The following ZDHHC8 variants were observed in gnomAD, a reference collection of about 807,000 sequenced individuals.
ZDHHC8 encodes the protein palmitoyltransferase ZDHHC8.
ZDHHC8 carries 24 observed loss-of-function variants against 61.2 expected under a neutral mutation model. That is an observed-to-expected ratio of 0.39 (90% CI 0.28 to 0.55). The LOEUF is 0.55. Among genes scored for constraint, ZDHHC8 ranks in the 20% least tolerant of loss-of-function variants. The pLI, the probability that ZDHHC8 is intolerant of heterozygous loss-of-function variation, is 0.60. For missense variants in ZDHHC8, 935 were observed against 1,102.1 expected, an observed-to-expected ratio of 0.85 and a Z score of 2.15; for synonymous variants, 523 against 492.5, an observed-to-expected ratio of 1.06 and a Z score of -0.82.
At chr22:20,138,439 G>A (rs2050439779) in intron 1 of ZDHHC8, among the ~76,000 whole-genome samples, 1 of 152,230 alleles carries the variant, frequency 6.6e-6, no homozygotes, top group Non-Finnish European at 1.5e-5. Context: ...GGCCAGGCCC[G>A]TTAAGGGCTG....
rs7286804 is a variant in ZDHHC8 at position 20,147,860 on chromosome 22, C to T, written c.*2460C>T. ...GGTGGCACTCCGGCCAGCCCTTCTC[C>T]GTCACAGGGTCCCTGTCCCTGGGTC... On this transcript the variant is annotated 3_prime_UTR_variant, in exon 11 of 11. Coordinates refer to ENST00000334554, the MANE Select transcript of ZDHHC8 (RefSeq NM_013373.4). 0.12 allele frequency: 18,442 copies of T among 152,400 alleles called. 1,437 individuals are homozygous for T. The highest frequency in any genetic ancestry group is 0.17 in the Non-Finnish European group (11,590 of 68,080). 9.4% of individuals were successfully genotyped at this position (152,400 alleles called of 1,614,324 possible). A position where few individuals can be genotyped will look rare whatever the true frequency, so the allele number is the denominator to read the frequency against.
intron 1 of ZDHHC8, among the ~76,000 whole-genome samples, chr22:20,136,400 T>C (rs1238338186): frequency 6.6e-6 from 1 of 152,210 alleles, no homozygotes; most frequent in Non-Finnish European, 1.5e-5. Context: ...TCATGCATCC[T>C]TGCATGTCCT....
intron 9 of ZDHHC8, 52 bp from the exon 10 acceptor site, chr22:20,142,704 G>T (rs893009963): frequency 1.9e-6 from 3 of 1,606,850 alleles, no homozygotes; most frequent in Middle Eastern, 2.0e-4. Flanking sequence ...CTGACTGGCG[G>T]CTGCAGGCGG....
intron 1 of ZDHHC8, among the ~76,000 whole-genome samples, chr22:20,138,307 C>T (rs1005282126): frequency 1.3e-5 from 2 of 152,194 alleles, no homozygotes; most frequent in Admixed American, 1.3e-4. Flanking sequence ...TCTCAGGGTG[C>T]GCAGGGGAGA....
rs1247187470 is a variant in ZDHHC8, at chr22:20,143,079, C to G, written c.1449C>G (p.Leu483=). The part of the protein sequence containing the change: ...RNGSLSYDSL[L]NPGSPGGHAC... ...GCAGCCTGTCCTATGACAGCCTGCT[C>G]AATCCTGGCTCGCCTGGTGGCCACG... The change falls in exon 10 of 11, where the codon CTC becomes CTG. Residue 483 remains leucine (L), a synonymous_variant. Transcript: ENST00000334554. The G allele has an allele frequency of 6.2e-7, 1 of 1,612,498 alleles. No homozygotes were observed.
At position 20,145,739 on chromosome 22, in the gene ZDHHC8, C is replaced by G; in HGVS notation, c.*339C>G. 9.9e-7 allele frequency: 1 copy of G among 1,010,690 alleles called. No individual in the cohort carries two copies. The highest frequency in any genetic ancestry group is 4.6e-5 in the South Asian group (1 of 21,898). 62.6% of individuals were successfully genotyped at this position (1,010,690 alleles called of 1,614,324 possible). On this transcript the variant is annotated 3_prime_UTR_variant, in exon 11 of 11. Coordinates refer to ENST00000334554, the MANE Select transcript of ZDHHC8 (RefSeq NM_013373.4). Reference sequence around the variant, plus strand: ...TTGGCCCACTGCCATCACCCAGCACCCCAGATCACCGCCAGGCCAGCCCCC... The same window carrying G: ...TTGGCCCACTGCCATCACCCAGCACGCCAGATCACCGCCAGGCCAGCCCCC...
chr22:20,132,360 C>T (rs914183890), intron 1 of ZDHHC8, among the ~76,000 whole-genome samples: 4 of 152,194 alleles, frequency 2.6e-5, no homozygotes, highest in Admixed American at 2.0e-4. Context: ...GCCGGGCTGC[C>T]CTGGGTGTGG....
Position 20,147,450 on chromosome 22 carries a change from G to C in ZDHHC8, c.*2050G>C. ...GCTGCAGGGGGTCCAGCACCCCACA[G>C]GGGGGCAGTCCCAGAGCTGTGGGGA... On this transcript the variant is annotated 3_prime_UTR_variant, in exon 11 of 11. Coordinates refer to ENST00000334554, the MANE Select transcript of ZDHHC8 (RefSeq NM_013373.4). 2 of 471,112 alleles carry C rather than the reference G, an allele frequency of 4.2e-6. No individual in the cohort carries two copies. The highest frequency in any genetic ancestry group is 7.2e-6 in the Non-Finnish European group (2 of 276,080). 29.2% of individuals were successfully genotyped at this position (471,112 alleles called of 1,614,324 possible). A position where few individuals can be genotyped will look rare whatever the true frequency, so the allele number is the denominator to read the frequency against.
At chr22:20,142,096 C>T (rs2050475754) in intron 9 of ZDHHC8, among the ~76,000 whole-genome samples, 1 of 152,162 alleles carries the variant, frequency 6.6e-6, no homozygotes, top group South Asian at 2.1e-4. Context: ...AGAGGCAGGC[C>T]TGTGACTGGG....
At chr22:20,138,251 A>G (rs1602568787) in intron 1 of ZDHHC8, among the ~76,000 whole-genome samples, 1 of 152,350 alleles carries the variant, frequency 6.6e-6, no homozygotes. Context: ...GCAGGGAGGG[A>G]CGCAAACCCC....
chr22:20,145,421 G>A lies in ZDHHC8; in HGVS notation c.*21G>A, dbSNP rs374194639. The A allele has an allele frequency of 1.8e-5, 26 of 1,475,424 alleles. No individual in the cohort carries two copies. Among genetic ancestry groups the A allele is most frequent in the African/African-American group, 1.7e-4 (12 of 69,032 alleles). The allele number at this position is 1,475,424 out of a possible 1,614,324, so 91.4% of individuals were successfully genotyped here. On this transcript the variant is annotated 3_prime_UTR_variant, in exon 11 of 11. Transcript: ENST00000334554. ...TGTGAGGACTGACTGCCACACATCC[G>A]CCATGGTGCCACGGGGACCAGGACC...
intron 4 of ZDHHC8, 45 bp from the exon 5 acceptor site, chr22:20,140,070 G>C: frequency 6.2e-7 from 1 of 1,606,852 alleles, no homozygotes; most frequent in Non-Finnish European, 8.5e-7. Flanking sequence ...TGCTGCGATG[G>C]GGTCTGCGGT....
At chr22:20,141,174 C>T in intron 7 of ZDHHC8, 43 bp from the exon 8 acceptor site, 1 of 1,595,096 alleles carries the variant, frequency 6.3e-7, no homozygotes, top group Non-Finnish European at 8.5e-7. Flanking sequence ...AAGCCCTGCC[C>T]CTCATCCAAG....
intron 9 of ZDHHC8, 141 bp from the exon 10 acceptor site, chr22:20,142,615 A>G: frequency 9.0e-7 from 1 of 1,111,976 alleles, no homozygotes; most frequent in Non-Finnish European, 1.3e-6. Context: ...GGACAGGGCC[A>G]TGGGTCACTA....
At chr22:20,132,701 G>T (rs941471642) in intron 1 of ZDHHC8, among the ~76,000 whole-genome samples, 13 of 152,232 alleles carry the variant, frequency 8.5e-5, no homozygotes, top group Non-Finnish European at 1.6e-4. Context: ...CAGGACCCTT[G>T]AGGTCCTGTT....
chr22:20,147,215 G>A lies in ZDHHC8; in HGVS notation c.*1815G>A. ...TTGGCTGCCTCCAGTCTTTTCCCCA[G>A]CCTCTCGGGGCCCTAGCAGGATGAC... On this transcript the variant is annotated 3_prime_UTR_variant, in exon 11 of 11. Transcript: ENST00000334554. The A allele has an allele frequency of 6.8e-7, 1 of 1,479,110 alleles. No homozygotes were observed. Among genetic ancestry groups the A allele is most frequent in the Non-Finnish European group, 9.0e-7 (1 of 1,112,268 alleles). 91.6% of individuals were successfully genotyped at this position (1,479,110 alleles called of 1,614,324 possible).
chr22:20,147,337 T>G lies in ZDHHC8; in HGVS notation c.*1937T>G. ...GCAGGGCTGGGGGTGGGCTGGGCTC[T>G]CTGCTCCACCAGCCACAGCTTGACA... On this transcript the variant is annotated 3_prime_UTR_variant, in exon 11 of 11. Coordinates refer to ENST00000334554, the MANE Select transcript of ZDHHC8 (RefSeq NM_013373.4). The G allele has an allele frequency of 8.7e-7, 1 of 1,146,000 alleles. No homozygotes were observed. Among genetic ancestry groups the G allele is most frequent in the Non-Finnish European group, 1.2e-6 (1 of 855,464 alleles). 71.0% of individuals were successfully genotyped at this position (1,146,000 alleles called of 1,614,324 possible).
chr22:20,138,105 C>T (rs1286606228), intron 1 of ZDHHC8, among the ~76,000 whole-genome samples: 2 of 152,232 alleles, frequency 1.3e-5, no homozygotes, highest in Admixed American at 6.5e-5. Context: ...GCCAGGCGGG[C>T]GTGGGTGCAG....
At chr22:20,137,904 G>A (rs1337542738) in intron 1 of ZDHHC8, among the ~76,000 whole-genome samples, 1 of 152,238 alleles carries the variant, frequency 6.6e-6, no homozygotes, top group Non-Finnish European at 1.5e-5. Flanking sequence ...GGCCGCAGCT[G>A]TGTCCTCACC....
Sources: allele counts gnomAD v4.1 joint callset (sites outside exome capture counted in the v4.1 genomes callset), GRCh38; gene constraint gnomAD v4.1.1; transcripts MANE v1.5; gene names NCBI Gene and HGNC (gene_info 2026-07-23, HGNC 2026-07-21).